Variants in ADAMTS3 observed in about 807,000 individuals in gnomAD.
The protein encoded by ADAMTS3 is ADAM metallopeptidase with thrombospondin type 1 motif 3, also known as A disintegrin and metalloproteinase with thrombospondin motifs 3.
ADAMTS3 carries 73 observed loss-of-function variants against 129.0 expected under a neutral mutation model. The observed-to-expected ratio is 0.57, with a 90% CI of 0.47 to 0.69. The LOEUF (loss-of-function observed/expected upper bound fraction) is 0.69. Ranked by LOEUF, ADAMTS3 falls within the 30% of genes least tolerant of loss-of-function variation. The pLI, the probability that ADAMTS3 is intolerant of heterozygous loss-of-function variation, is 0.00. For missense variants in ADAMTS3, 1,457 were observed against 1,514.5 expected, an observed-to-expected ratio of 0.96 and a Z score of 0.63; for synonymous variants, 477 against 510.8, an observed-to-expected ratio of 0.93 and a Z score of 0.89.
intron 3 of ADAMTS3, among the ~76,000 whole-genome samples, chr4:72,459,361 G>A (rs760296424): frequency 4.6e-5 from 7 of 151,538 alleles, no homozygotes; most frequent in African/African-American, 1.2e-4. Flanking sequence ...TTTCAATTCC[G>A]AGATGGCCAT....
At chr4:72,372,632 A>G (rs908283542) in intron 4 of ADAMTS3, among the ~76,000 whole-genome samples, 1 of 152,042 alleles carries the variant, frequency 6.6e-6, no homozygotes, top group Non-Finnish European at 1.5e-5. Context: ...AGCAAGAAAG[A>G]TGGGTATAAA....
chr4:72,521,270 T>C (rs1377853870), intron 3 of ADAMTS3, among the ~76,000 whole-genome samples: 1 of 152,130 alleles, frequency 6.6e-6, no homozygotes, highest in Non-Finnish European at 1.5e-5. Flanking sequence ...AGTGCTAAGA[T>C]TACAGGCATG....
chr4:72,455,207 A>G (rs1004406110), intron 3 of ADAMTS3, among the ~76,000 whole-genome samples: 4 of 151,786 alleles, frequency 2.6e-5, no homozygotes, highest in African/African-American at 9.7e-5. Context: ...CGATTAAAGT[A>G]TAAGAGCCAA....
At chr4:72,384,110 T>C (rs904745356) in intron 4 of ADAMTS3, among the ~76,000 whole-genome samples, 3 of 151,544 alleles carry the variant, frequency 2.0e-5, no homozygotes, top group East Asian at 1.9e-4. Context: ...AAACAGAAAA[T>C]ATCCAAAAAG....
chr4:72,318,513 C>T (rs776550348), intron 10 of ADAMTS3, 59 bp downstream of exon 10: 1 of 1,574,040 alleles, frequency 6.4e-7, no homozygotes, highest in Non-Finnish European at 8.7e-7. Context: ...TCTCACCAAG[C>T]AGGAGCTACA....
At chr4:72,532,863 G>C (rs1721081729) in intron 3 of ADAMTS3, among the ~76,000 whole-genome samples, 1 of 152,042 alleles carries the variant, frequency 6.6e-6, no homozygotes, top group South Asian at 2.1e-4. Context: ...GATTTAAAAT[G>C]GTACACATAT....
chr4:72,295,899 G>C (rs1039355286), intron 18 of ADAMTS3, 113 bp from the exon 19 acceptor site: 8 of 1,327,224 alleles, frequency 6.0e-6, no homozygotes, highest in Admixed American at 2.2e-5. Context: ...AATATGTATT[G>C]AGTGCATACA....
intron 21 of ADAMTS3, among the ~76,000 whole-genome samples, chr4:72,284,368 C>T (rs1276169248): frequency 6.6e-6 from 1 of 151,734 alleles, no homozygotes. Context: ...TGGCGTGAAC[C>T]CAGGAGGTGG....
At chr4:72,495,054 A>C (rs788924) in intron 3 of ADAMTS3, among the ~76,000 whole-genome samples, 150,396 of 152,282 alleles carry the variant, frequency 0.99, 74,293 homozygotes, top group Middle Eastern at 1. Flanking sequence ...GGCGCACACA[A>C]CCAGTGGCAG....
intron 4 of ADAMTS3, among the ~76,000 whole-genome samples, chr4:72,403,194 T>G (rs1036095548): frequency 2.0e-5 from 3 of 152,086 alleles, no homozygotes; most frequent in Admixed American, 6.6e-5. Flanking sequence ...CTATTTGTAC[T>G]GAGTGAGGCC....
chr4:72,463,718 C>T (rs1028122121), intron 3 of ADAMTS3, among the ~76,000 whole-genome samples: 5 of 132,332 alleles, frequency 3.8e-5, no homozygotes, highest in Non-Finnish European at 8.0e-5. Flanking sequence ...AAAAAAAAAG[C>T]ATTTGGTAAC....
chr4:72,455,779 A>T (rs1718535828), intron 3 of ADAMTS3, among the ~76,000 whole-genome samples: 1 of 135,014 alleles, frequency 7.4e-6, no homozygotes, highest in African/African-American at 2.9e-5. Context: ...CACCATTGTA[A>T]CTACTTATAT....
Position 72,309,386 on chromosome 4 carries a change from C to T in ADAMTS3, c.2179+11G>A. On this transcript the variant is annotated intron_variant, in intron 15 of 21. Transcript: ENST00000286657. ...AGAAGAATACTAAATCCATGAGAGA[C>T]CTCATCTTACCAAGCTTCCTGGGAG... 3 of 1,610,816 alleles carry T rather than the reference C, an allele frequency of 1.9e-6. No individual in the cohort carries two copies. Among genetic ancestry groups the T allele is most frequent in the Non-Finnish European group, 2.5e-6 (3 of 1,177,736 alleles).
intron 3 of ADAMTS3, among the ~76,000 whole-genome samples, chr4:72,508,013 T>C (rs1450477218): frequency 6.6e-6 from 1 of 152,180 alleles, no homozygotes; most frequent in African/African-American, 2.4e-5. Flanking sequence ...GCAAGTAAAA[T>C]GCATAATAAC....
chr4:72,291,434 T>C (rs1718665615), intron 19 of ADAMTS3, among the ~76,000 whole-genome samples: 1 of 127,100 alleles, frequency 7.9e-6, no homozygotes, highest in Non-Finnish European at 1.6e-5. Flanking sequence ...CAGAGTGTGA[T>C]GTTCCCCTTC....
At chr4:72,393,180 G>A (rs571540025) in intron 4 of ADAMTS3, among the ~76,000 whole-genome samples, 6 of 151,852 alleles carry the variant, frequency 4.0e-5, no homozygotes, top group South Asian at 2.1e-4. Context: ...CACCTCGGCC[G>A]CCCAAAGTGC....
At chr4:72,365,620 C>T (rs899469363) in intron 4 of ADAMTS3, among the ~76,000 whole-genome samples, 10 of 152,122 alleles carry the variant, frequency 6.6e-5, no homozygotes, top group African/African-American at 2.4e-4. Flanking sequence ...ATATTTATAA[C>T]ATCAATTTTC....
At chr4:72,438,053 G>A (rs1478229504) in intron 3 of ADAMTS3, among the ~76,000 whole-genome samples, 8 of 151,604 alleles carry the variant, frequency 5.3e-5, no homozygotes, top group Admixed American at 5.3e-4. Flanking sequence ...GTGATTTAAA[G>A]TGATTTTAAG....
intron 3 of ADAMTS3, among the ~76,000 whole-genome samples, chr4:72,483,255 C>G (rs1719488576): frequency 6.6e-6 from 1 of 152,038 alleles, no homozygotes; most frequent in Non-Finnish European, 1.5e-5. Context: ...ATGAGAGCTA[C>G]CAAAAACCTA....
Sources: allele counts gnomAD v4.1 joint callset (sites outside exome capture counted in the v4.1 genomes callset), GRCh38; gene constraint gnomAD v4.1.1; transcripts MANE v1.5; gene names NCBI Gene and HGNC (gene_info 2026-07-23, HGNC 2026-07-21).